The following CECR2 variants were observed in gnomAD, a reference collection of about 807,000 sequenced individuals.
CECR2 encodes chromatin remodeling regulator CECR2.
Under a neutral mutation model 154.5 loss-of-function variants are expected in CECR2, and 30 were observed. That is an observed-to-expected ratio of 0.19 (90% CI 0.15 to 0.26). The LOEUF (loss-of-function observed/expected upper bound fraction) is 0.26. Ranked by LOEUF, CECR2 falls within the 10% of genes least tolerant of loss-of-function variation. The probability of loss-of-function intolerance (pLI) is 1.00; values close to 1 mark genes in which losing one functional copy is unlikely to be tolerated. For synonymous variants in CECR2, 725 were observed against 683.7 expected (o/e 1.06, Z -0.94); for missense variants, 1,743 against 1,829.3 (o/e 0.95, Z 0.86).
chr22:17,512,230 C>T (rs986046125), intron 8 of CECR2, among the ~76,000 whole-genome samples: 9 of 151,736 alleles, frequency 5.9e-5, no homozygotes, highest in Non-Finnish European at 1.2e-4. Context: ...TTTGAGTAGG[C>T]AGAGCCATAT....
intron 1 of CECR2, among the ~76,000 whole-genome samples, chr22:17,430,336 G>A (rs1371413461): frequency 6.6e-6 from 1 of 152,072 alleles, no homozygotes; most frequent in Non-Finnish European, 1.5e-5. Context: ...TATAGAAAGG[G>A]CCCTACCTTT....
At chr22:17,445,627 A>T (rs1238286471) in intron 1 of CECR2, among the ~76,000 whole-genome samples, 4 of 150,860 alleles carry the variant, frequency 2.7e-5, no homozygotes, top group Non-Finnish European at 5.9e-5. Context: ...CCCAGGCTGG[A>T]GTGCAGTGGT....
intron 1 of CECR2, among the ~76,000 whole-genome samples, chr22:17,429,993 C>G (rs899168701): frequency 6.6e-5 from 10 of 152,112 alleles, no homozygotes; most frequent in Non-Finnish European, 1.2e-4. Flanking sequence ...AGAGGTTAAA[C>G]CAGTTTAGAC....
At chr22:17,532,495 T>C (rs2056371018) in intron 9 of CECR2, among the ~76,000 whole-genome samples, 1 of 152,088 alleles carries the variant, frequency 6.6e-6, no homozygotes, top group Admixed American at 6.6e-5. Flanking sequence ...ACATTAGAAG[T>C]GTTCCCTTTA....
chr22:17,444,020 T>C (rs2054621638), intron 1 of CECR2, among the ~76,000 whole-genome samples: 1 of 152,196 alleles, frequency 6.6e-6, no homozygotes, highest in Admixed American at 6.5e-5. Context: ...CTCTCTAGGC[T>C]TCACCCTTCC....
At chr22:17,417,016 ATTCTT>A in intron 1 of CECR2, among the ~76,000 whole-genome samples, 1 of 126,368 alleles carries the variant, frequency 7.9e-6, no homozygotes, top group South Asian at 2.4e-4. Context: ...ACATTGTCAG[ATTCTT>A]TTTTTTTTTT....
chr22:17,377,131 C>A (rs147379315), intron 1 of CECR2, among the ~76,000 whole-genome samples: 10 of 152,166 alleles, frequency 6.6e-5, no homozygotes, highest in African/African-American at 2.4e-4. Flanking sequence ...CTTAACTAAT[C>A]TAGAAAATTG....
chr22:17,435,295 T>G (rs987513893), intron 1 of CECR2, among the ~76,000 whole-genome samples: 3 of 152,182 alleles, frequency 2.0e-5, no homozygotes, highest in Admixed American at 2.0e-4. Flanking sequence ...GTTTGCAATT[T>G]CTTATGCATT....
chr22:17,384,489 TCTC>T (rs2063236480), intron 1 of CECR2, among the ~76,000 whole-genome samples: 1 of 152,204 alleles, frequency 6.6e-6, no homozygotes, highest in Admixed American at 6.5e-5. Context: ...ACCACATTAA[TCTC>T]CTTGTATATC....
At chr22:17,518,740 T>C in intron 8 of CECR2, 1 of 394,082 alleles carries the variant, frequency 2.5e-6, no homozygotes, top group Non-Finnish European at 5.0e-6. Flanking sequence ...TGCTCCCTTC[T>C]TAACACCTCT....
intron 2 of CECR2, among the ~76,000 whole-genome samples, chr22:17,486,968 C>T (rs768054879): frequency 1.3e-5 from 2 of 152,150 alleles, no homozygotes; most frequent in Non-Finnish European, 2.9e-5. Context: ...CTGGGTGGTG[C>T]TGATGCTGCA....
chr22:17,435,684 TAAAAAAAAAAAA>T (rs10694414), intron 1 of CECR2, among the ~76,000 whole-genome samples: 1 of 90,928 alleles, frequency 1.1e-5, no homozygotes, highest in Non-Finnish European at 2.2e-5. Flanking sequence ...TTTTAATTCT[TAAAAAAAAAAAA>T]AAAAAAAAAA....
intron 3 of CECR2, 48 bp downstream of exon 3, chr22:17,497,634 A>C: frequency 1.9e-6 from 3 of 1,580,808 alleles, no homozygotes; most frequent in Non-Finnish European, 2.6e-6. Flanking sequence ...AAAGCCAGCA[A>C]TCAGAAATGT....
intron 1 of CECR2, among the ~76,000 whole-genome samples, chr22:17,370,723 G>A (rs1390536348): frequency 2.0e-5 from 3 of 152,150 alleles, no homozygotes; most frequent in Non-Finnish European, 4.4e-5. Context: ...CGAGGGTCCT[G>A]GAGCGCGGCG....
rs565165615 is a variant in CECR2 at position 17,421,027 on chromosome 22, A to C, written c.126+51118A>C. Among the ~76,000 whole-genome samples the C allele has an allele frequency of 2.0e-5, 3 of 152,348 alleles. No individual in the cohort carries two copies. In the East Asian group the frequency reaches 5.8e-4, roughly 29 times the overall value. On this transcript the variant is annotated intron_variant, in intron 1 of 18. Transcript: ENST00000262608. ...TACTTAGAGACATGTATAAGTACAC[A>C]TCAATGTATATAATAGAATACATTG...
Position 17,369,667 on chromosome 22 carries a change from GCCCCGCCGC to G in CECR2, c.-108_-100del, listed in dbSNP as rs1211935856. ...GAGCGGCGGCAGCAGCGGGAGGAGC[GCCCCGCCGC>G]CCCCGCCGAGGACCGCGCGGAGGCT... On this transcript the variant is annotated 5_prime_UTR_variant, in exon 1 of 19. Transcript: ENST00000262608. The G allele has an allele frequency of 4.8e-5, 7 of 147,214 alleles. No homozygotes were observed. The highest frequency in any genetic ancestry group is 1.7e-4 in the African/African-American group (7 of 40,820). The allele number at this position is 147,214 out of a possible 1,614,324, so 9.1% of individuals were successfully genotyped here. A position where few individuals can be genotyped will look rare whatever the true frequency, so the allele number is the denominator to read the frequency against.
chr22:17,439,349 G>T (rs1354407578), intron 1 of CECR2, among the ~76,000 whole-genome samples: 1 of 152,030 alleles, frequency 6.6e-6, no homozygotes, highest in Non-Finnish European at 1.5e-5. Flanking sequence ...TTATACTAAT[G>T]GGTGGTAGAC....
chr22:17,482,067 A>G (rs2055330526), intron 2 of CECR2, among the ~76,000 whole-genome samples: 1 of 137,440 alleles, frequency 7.3e-6, no homozygotes, highest in Admixed American at 8.2e-5. Context: ...GGAAGCCGAG[A>G]TCACGCCACT....
At chr22:17,490,147 TTGTGTGTGTG>T (rs66788556) in intron 2 of CECR2, among the ~76,000 whole-genome samples, 21 of 149,676 alleles carry the variant, frequency 1.4e-4, no homozygotes, top group Admixed American at 1.2e-3. Flanking sequence ...TGTTTTTTTT[TTGTGTGTGTG>T]TGTGTGTGTG....
Sources: gnomAD v4.1 joint callset for allele counts (sites outside exome capture counted in the v4.1 genomes callset) on GRCh38, gnomAD v4.1.1 for gene constraint, MANE v1.5 for transcripts, NCBI Gene and HGNC (gene_info 2026-07-23, HGNC 2026-07-21) for gene names.